The following ATP5PO variants were observed in gnomAD, a reference collection of about 807,000 sequenced individuals.
The protein encoded by ATP5PO is ATP synthase peripheral stalk subunit OSCP, mitochondrial.
A neutral mutation model predicts 26.2 loss-of-function variants in ATP5PO; 14 were observed. The ratio of observed to expected loss-of-function variants is 0.53; its 90% CI spans 0.35 to 0.83. The LOEUF (loss-of-function observed/expected upper bound fraction) is 0.83, where lower values mean the gene tolerates loss of function less well. Among genes scored for constraint, ATP5PO ranks in the 40% least tolerant of loss-of-function variants. The pLI, the probability that ATP5PO is intolerant of heterozygous loss-of-function variation, is 0.01. For missense variants in ATP5PO, 241 were observed against 258.5 expected, an observed-to-expected ratio of 0.93 and a Z score of 0.46; for synonymous variants, 106 against 95.1, an observed-to-expected ratio of 1.12 and a Z score of -0.67.
At chr21:33,913,558 T>C (rs1987275528) in intron 2 of ATP5PO, among the ~76,000 whole-genome samples, 1 of 152,230 alleles carries the variant, frequency 6.6e-6, no homozygotes, top group Non-Finnish European at 1.5e-5. Context: ...TAGCCATGTA[T>C]CATTTCAGGG....
intron 1 of ATP5PO, 165 bp downstream of exon 1, chr21:33,915,563 G>A (rs1987302797): frequency 1.9e-6 from 2 of 1,076,394 alleles, no homozygotes; most frequent in Non-Finnish European, 2.6e-6. Context: ...CATCCCGGGG[G>A]ACAAACGCTG....
chr21:33,912,511 C>A, intron 2 of ATP5PO, 112 bp from the exon 3 acceptor site: 1 of 659,822 alleles, frequency 1.5e-6, no homozygotes, highest in South Asian at 2.8e-5. Context: ...CTCTTTAACA[C>A]AAAACAGTTT....
intron 5 of ATP5PO, among the ~76,000 whole-genome samples, chr21:33,906,168 T>C (rs1987169861): frequency 6.6e-6 from 1 of 152,152 alleles, no homozygotes; most frequent in African/African-American, 2.4e-5. Flanking sequence ...TGTGCTAGGA[T>C]GCCTCTCCTT....
intron 4 of ATP5PO, 94 bp from the exon 5 acceptor site, chr21:33,907,547 G>GTTTT: frequency 1.8e-6 from 2 of 1,117,286 alleles, no homozygotes; most frequent in South Asian, 1.3e-5. Context: ...ACTTAGATTT[G>GTTTT]TGGCCTTAAA....
At chr21:33,914,045 T>C (rs1987282433) in intron 2 of ATP5PO, among the ~76,000 whole-genome samples, 1 of 152,156 alleles carries the variant, frequency 6.6e-6, no homozygotes, top group Non-Finnish European at 1.5e-5. Flanking sequence ...CCCAAAGTGC[T>C]GGGACTACAG....
At chr21:33,910,308 G>A (rs1020797960) in intron 3 of ATP5PO, among the ~76,000 whole-genome samples, 1 of 152,108 alleles carries the variant, frequency 6.6e-6, no homozygotes, top group Non-Finnish European at 1.5e-5. Flanking sequence ...TTCCACTTGA[G>A]TGACCCCACA....
rs1039611413 is a variant in ATP5PO, at chr21:33,914,198, T to C, written c.87+252A>G. Among the ~76,000 whole-genome samples the C allele has an allele frequency of 7.9e-5, 12 of 151,838 alleles. 1 individual carries two copies. The highest frequency in any genetic ancestry group is 2.7e-4 in the African/African-American group (11 of 41,308). On this transcript the variant is annotated intron_variant, in intron 2 of 6. Coordinates refer to ENST00000290299, the MANE Select transcript of ATP5PO (RefSeq NM_001697.3). ...AAGTAAGTAAATGCTAGCTTGCCTA[T>C]TTTAGAGGGTTAATGGAAAAACAAA...
chr21:33,905,626 C>A (rs1987159100), intron 5 of ATP5PO, among the ~76,000 whole-genome samples: 1 of 152,066 alleles, frequency 6.6e-6, no homozygotes, highest in Admixed American at 6.6e-5. Context: ...AAATCATGGC[C>A]TTGTGGCTGT....
At chr21:33,915,377 G>A in intron 1 of ATP5PO, 1 of 356,320 alleles carries the variant, frequency 2.8e-6, no homozygotes, top group South Asian at 3.7e-5. Context: ...TCTCTGACAG[G>A]TTTTACCACA....
At chr21:33,907,227 T>C in intron 5 of ATP5PO, 114 bp downstream of exon 5, 1 of 904,668 alleles carries the variant, frequency 1.1e-6, no homozygotes, top group South Asian at 1.6e-5. Flanking sequence ...ACATCCCAGG[T>C]GACAAGTTAC....
rs140827929 is a variant in ATP5PO, at chr21:33,909,192, T to C, written c.218A>G (p.Lys73Arg). 8,086 of 1,613,280 alleles carry C rather than the reference T, an allele frequency of 5.0e-3. 32 individuals carry two copies. Among genetic ancestry groups the C allele is most frequent in the Middle Eastern group, 0.014 (86 of 6,042 alleles). ...LRVAQILKEP[K>R]VAASVLNPYV... ...GGGATTCAAAACAGAAGCAGCCACT[T>C]TGGGTTCCTTCAGGATTTGCTGAAA... Residue 73 changes from lysine to arginine, a missense_variant, in exon 4 of 7, where the codon AAA becomes AGA. Physicochemically the swap from Lys to Arg is conservative, Grantham distance 26. Transcript: ENST00000290299.
intron 5 of ATP5PO, among the ~76,000 whole-genome samples, chr21:33,905,208 A>G (rs1987154091): frequency 6.6e-6 from 1 of 152,170 alleles, no homozygotes; most frequent in Admixed American, 6.5e-5. Context: ...TGTTCAAAAC[A>G]TGATTTACTG....
intron 4 of ATP5PO, chr21:33,908,770 A>G: frequency 4.1e-6 from 1 of 241,342 alleles, no homozygotes; most frequent in South Asian, 1.4e-4. Flanking sequence ...ATCAAGGTAT[A>G]GCCACAGGCC....
chr21:33,905,665 C>A (rs1331345720), intron 5 of ATP5PO, among the ~76,000 whole-genome samples: 1 of 152,146 alleles, frequency 6.6e-6, no homozygotes. Context: ...GTGGTCCCAG[C>A]ACATTGGGAG....
intron 3 of ATP5PO, among the ~76,000 whole-genome samples, chr21:33,911,194 G>A (rs1043645161): frequency 6.6e-6 from 1 of 152,080 alleles, no homozygotes; most frequent in African/African-American, 2.4e-5. Context: ...TAGAAAATTC[G>A]GTGAAAACGA....
chr21:33,912,743 T>C (rs73354048), intron 2 of ATP5PO, among the ~76,000 whole-genome samples: 210 of 152,330 alleles, frequency 1.4e-3, no homozygotes, highest in African/African-American at 4.5e-3. Context: ...CAGTAACTAT[T>C]TAGTTTCAAG....
intron 2 of ATP5PO, among the ~76,000 whole-genome samples, chr21:33,913,679 G>C (rs539868913): frequency 6.6e-5 from 10 of 152,294 alleles, no homozygotes; most frequent in Admixed American, 6.5e-4. Context: ...CCCTGAAATA[G>C]TGAGCCTCCT....
chr21:33,906,201 T>G (rs1354748666), intron 5 of ATP5PO, among the ~76,000 whole-genome samples: 1 of 152,178 alleles, frequency 6.6e-6, no homozygotes, highest in African/African-American at 2.4e-5. Flanking sequence ...ACTAGAAGGT[T>G]AGACTGTCCT....
Position 33,903,561 on chromosome 21 carries a change from G to T in ATP5PO, c.607C>A (p.Gln203Lys). ...YVDMSVKTKI[Q>K]KLGRAMREIV ...TCCCGCATAGCCCTGCCCAGCTTCT[G>T]AATCTTGGTCTTGACAGACATGTCA... Residue 203 changes from glutamine to lysine, a missense_variant, in exon 7 of 7, where the codon CAG becomes AAG. Gln to Lys is a moderately conservative substitution (Grantham distance 53). Coordinates refer to ENST00000290299, the MANE Select transcript of ATP5PO (RefSeq NM_001697.3). The T allele has an allele frequency of 6.2e-7, 1 of 1,614,102 alleles. No homozygotes were observed. Among genetic ancestry groups the T allele is most frequent in the Non-Finnish European group, 8.5e-7 (1 of 1,180,006 alleles).
Sources: gnomAD v4.1 joint callset for allele counts (sites outside exome capture counted in the v4.1 genomes callset) on GRCh38, gnomAD v4.1.1 for gene constraint, MANE v1.5 for transcripts, NCBI Gene and HGNC (gene_info 2026-07-23, HGNC 2026-07-21) for gene names.